Variants in TYW3 observed in about 807,000 individuals in gnomAD.
TYW3 encodes the protein tRNA-yW synthesizing protein 3 homolog.
Under a neutral mutation model 23.1 loss-of-function variants are expected in TYW3, and 26 were observed. That is an observed-to-expected ratio of 1.13 (90% CI 0.83 to 1.56). The LOEUF is 1.56. TYW3 is among the 40% of genes most tolerant of loss of function. The pLI, the probability that TYW3 is intolerant of heterozygous loss-of-function variation, is 0.00. For synonymous variants in TYW3, 102 were observed against 105.7 expected, an observed-to-expected ratio of 0.97 and a Z score of 0.21; for missense variants, 316 against 311.9, an observed-to-expected ratio of 1.01 and a Z score of -0.10.
chr1:74,765,809 A>G lies in TYW3; in HGVS notation c.*1696A>G, dbSNP rs1649287108. The stretch of plus-strand genomic sequence containing the variant: ...AAACTATGTATTTTAAAGATTCCAT[A>G]AACTGAATATATGAATGAGAATTAA... On this transcript the variant is annotated 3_prime_UTR_variant, in exon 6 of 6. Transcript: ENST00000370867. The G allele has an allele frequency of 6.6e-6, 1 of 152,138 alleles. No individual in the cohort carries two copies. Among genetic ancestry groups the G allele is most frequent in the Admixed American group, 6.6e-5 (1 of 15,252 alleles). 9.4% of individuals were successfully genotyped at this position (152,138 alleles called of 1,614,324 possible). A position where few individuals can be genotyped will look rare whatever the true frequency, so the allele number is the denominator to read the frequency against.
intron 3 of TYW3, among the ~76,000 whole-genome samples, chr1:74,741,536 G>C (rs1648362795): frequency 6.6e-6 from 1 of 152,186 alleles, no homozygotes; most frequent in Admixed American, 6.5e-5. Flanking sequence ...TATAGATGGG[G>C]AGGTAGAGGG....
chr1:74,764,066 G>A lies in TYW3; in HGVS notation c.733G>A (p.Asp245Asn), dbSNP rs1230297018. ...TGATGAAGAACTTGAAAATGATGAT[G>A]ATGATGATCTAGGAATCAATGTTAC... ...ESDEELENDD[D>N]DDLGINVTIF... Residue 245 changes from aspartate (D) to asparagine (N), a missense_variant, in exon 6 of 6, where the codon GAT becomes AAT. Coordinates refer to ENST00000370867, the MANE Select transcript of TYW3 (RefSeq NM_138467.3). 2 of 1,613,128 alleles carry A rather than the reference G, an allele frequency of 1.2e-6. No homozygotes were observed. Among genetic ancestry groups the A allele is most frequent in the Admixed American group, 1.7e-5 (1 of 59,916 alleles).
intron 5 of TYW3, among the ~76,000 whole-genome samples, chr1:74,762,555 G>A (rs998524324): frequency 1.3e-5 from 2 of 152,196 alleles, no homozygotes; most frequent in South Asian, 4.2e-4. Context: ...TACATGCTCA[G>A]AATATAACAG....
Position 74,741,062 on chromosome 1 carries a change from C to A in TYW3, c.354+2274C>A, listed in dbSNP as rs559733151. On this transcript the variant is annotated intron_variant, in intron 3 of 5. Coordinates refer to ENST00000370867, the MANE Select transcript of TYW3 (RefSeq NM_138467.3). The stretch of plus-strand genomic sequence containing the variant: ...GGAACTCTTTAGACCAGTGAAAGGG[C>A]CAGTGGGTCCGTCCAGGGGTCCTCG... Among the ~76,000 whole-genome samples, 7 of 152,248 alleles carry A rather than the reference C, an allele frequency of 4.6e-5. No individual in the cohort carries two copies. In the East Asian group the frequency reaches 1.4e-3, roughly 29 times the overall value.
chr1:74,750,936 TA>T (rs1648762471), intron 4 of TYW3: 1 of 150,774 alleles, frequency 6.6e-6, no homozygotes, highest in Non-Finnish European at 1.5e-5. Flanking sequence ...GCCTCCCAAG[TA>T]GCTGGAATTA....
At chr1:74,740,683 T>G (rs1648321616) in intron 3 of TYW3, among the ~76,000 whole-genome samples, 1 of 152,120 alleles carries the variant, frequency 6.6e-6, no homozygotes, top group Non-Finnish European at 1.5e-5. Context: ...GATTGGTGCA[T>G]TTTTACAGAG....
chr1:74,755,232 T>C (rs796441513), intron 5 of TYW3, among the ~76,000 whole-genome samples: 6 of 152,348 alleles, frequency 3.9e-5, no homozygotes, highest in African/African-American at 1.4e-4. Context: ...TTTTAACCAG[T>C]GGCATTAAGT....
intron 5 of TYW3, among the ~76,000 whole-genome samples, chr1:74,753,853 A>C (rs903162747): frequency 1.3e-5 from 2 of 152,208 alleles, no homozygotes; most frequent in African/African-American, 4.8e-5. Flanking sequence ...GAATTCTCCC[A>C]AGGATTTTAT....
intron 2 of TYW3, 118 bp from the exon 3 acceptor site, chr1:74,738,572 A>G (rs183955945): frequency 2.7e-5 from 16 of 582,282 alleles, no homozygotes; most frequent in Non-Finnish European, 4.4e-5. Context: ...TTACTGCAGA[A>G]AAAATATGCT....
chr1:74,752,360 A>G lies in TYW3; in HGVS notation c.495A>G (p.Glu165=). 2 of 1,613,722 alleles carry G rather than the reference A, an allele frequency of 1.2e-6. No individual in the cohort carries two copies. The highest frequency in any genetic ancestry group is 1.7e-6 in the Non-Finnish European group (2 of 1,179,786). Residue 165 remains glutamate (E), a synonymous_variant, in exon 5 of 6, where the codon GAA becomes GAG. Transcript: ENST00000370867. ...SHKGKLMVTE[E]YIDFLLNVAN... ...AGGGAAAACTGATGGTGACAGAGGA[A>G]TATATTGACTTCCTGTTAAATGTGG...
intron 2 of TYW3, among the ~76,000 whole-genome samples, chr1:74,737,858 A>G (rs559213382): frequency 2.0e-5 from 3 of 152,314 alleles, no homozygotes; most frequent in African/African-American, 7.2e-5. Flanking sequence ...AGACTACACA[A>G]GATCTAGCCC....
intron 1 of TYW3, among the ~76,000 whole-genome samples, chr1:74,734,710 A>C (rs1392070068): frequency 6.6e-6 from 1 of 152,218 alleles, no homozygotes; most frequent in Non-Finnish European, 1.5e-5. Context: ...ATGTGACCTT[A>C]GGAAAGCTAT....
At chr1:74,744,348 C>T (rs1452194722) in intron 3 of TYW3, among the ~76,000 whole-genome samples, 1 of 151,772 alleles carries the variant, frequency 6.6e-6, no homozygotes, top group East Asian at 1.9e-4. Context: ...CATTTTTCCC[C>T]ATCAGAGAGA....
intron 4 of TYW3, 125 bp from the exon 5 acceptor site, chr1:74,752,167 G>A (rs1242924599): frequency 2.2e-5 from 21 of 933,520 alleles, no homozygotes; most frequent in African/African-American, 5.1e-5. Flanking sequence ...CTATCAAAGC[G>A]CTAACTTAAC....
intron 5 of TYW3, among the ~76,000 whole-genome samples, chr1:74,758,076 A>G (rs1211695596): frequency 3.3e-5 from 5 of 152,238 alleles, no homozygotes. Context: ...GGTTCGGTTT[A>G]CCTAGAAGAT....
intron 3 of TYW3, among the ~76,000 whole-genome samples, chr1:74,739,213 A>G (rs1412983231): frequency 6.6e-6 from 1 of 152,128 alleles, no homozygotes; most frequent in Non-Finnish European, 1.5e-5. Context: ...TTATATATTT[A>G]TATATAAAAC....
Position 74,764,218 on chromosome 1 carries a change from C to A in TYW3, c.*105C>A. 3 of 983,690 alleles carry A rather than the reference C, an allele frequency of 3.0e-6. No individual in the cohort carries two copies. The highest frequency in any genetic ancestry group is 4.5e-6 in the Non-Finnish European group (3 of 667,468). 60.9% of individuals were successfully genotyped at this position (983,690 alleles called of 1,614,324 possible). A position where few individuals can be genotyped will look rare whatever the true frequency, so the allele number is the denominator to read the frequency against. On this transcript the variant is annotated 3_prime_UTR_variant, in exon 6 of 6. Transcript: ENST00000370867. ...GTTGAGTGTATCAGCCATTCATAAG[C>A]CAGTAATGACAAGTGCAGAGCTTCA...
rs557656108 is a variant in TYW3 at position 74,747,585 on chromosome 1, C to T, written c.355-1166C>T. Among the ~76,000 whole-genome samples the T allele has an allele frequency of 4.6e-4, 68 of 146,354 alleles. 1 individual carries two copies. Among genetic ancestry groups the T allele is most frequent in the Non-Finnish European group, 3.4e-4 (23 of 66,782 alleles). On this transcript the variant is annotated intron_variant, in intron 3 of 5. Coordinates refer to ENST00000370867, the MANE Select transcript of TYW3 (RefSeq NM_138467.3). The stretch of plus-strand genomic sequence containing the variant: ...CCGGGAGGCGGAGCTTGCTGTGAGC[C>T]GAGATCCCGCCACTGCACTCCAGCC...
At chr1:74,759,621 T>C (rs1649068776) in intron 5 of TYW3, among the ~76,000 whole-genome samples, 1 of 152,156 alleles carries the variant, frequency 6.6e-6, no homozygotes, top group Admixed American at 6.5e-5. Context: ...ACCACCCCCC[T>C]ATGTAGTTGA....
Sources: allele counts gnomAD v4.1 joint callset (sites outside exome capture counted in the v4.1 genomes callset), GRCh38; gene constraint gnomAD v4.1.1; transcripts MANE v1.5; gene names NCBI Gene and HGNC (gene_info 2026-07-23, HGNC 2026-07-21).